F10: variants seen among roughly 807,000 people sequenced by gnomAD.
The protein encoded by F10 is Stuart-Prower factor.
Under a neutral mutation model 37.1 loss-of-function variants are expected in F10, and 29 were observed. The ratio of observed to expected loss-of-function variants is 0.78; its 90% CI spans 0.58 to 1.07. The LOEUF is 1.07. Ranked by LOEUF, F10 falls within the 50% of genes least tolerant of loss-of-function variation. The pLI is 0.00. For synonymous variants in F10, 262 were observed against 268.6 expected (o/e 0.98, Z 0.24); for missense variants, 539 against 667.9 (o/e 0.81, Z 2.13).
Position 113,146,324 on chromosome 13 carries a change from G to C in F10, c.748-1055G>C, listed in dbSNP as rs911204721. Among the ~76,000 whole-genome samples, 1 of 152,088 alleles carries C rather than the reference G, an allele frequency of 6.6e-6. No homozygotes were observed. Among genetic ancestry groups the C allele is most frequent in the East Asian group, 1.9e-4 (1 of 5,168 alleles). On this transcript the variant is annotated intron_variant, in intron 6 of 7. Transcript: ENST00000375559. The surrounding 1 kb of genome is among the most constrained non-coding windows in gnomAD (Gnocchi z 4.5). ...ACTGTGTGGTTGGGGCAAGAACCTC[G>C]ATGCAGGAGACCCCACCGAGGATGA...
intron 7 of F10, among the ~76,000 whole-genome samples, chr13:113,148,595 C>A (rs951837969): frequency 6.6e-6 from 1 of 152,102 alleles, no homozygotes; most frequent in African/African-American, 2.4e-5. Flanking sequence ...CAACCTGGGT[C>A]TGGGATGCCA....
At chr13:113,140,805 A>G in intron 4 of F10, 114 bp from the exon 5 acceptor site, 1 of 1,537,608 alleles carries the variant, frequency 6.5e-7, no homozygotes, top group Non-Finnish European at 9.0e-7. Flanking sequence ...CCCTTTGCTC[A>G]ACCCAATGGC....
rs748010092 is a variant in F10, at chr13:113,129,408, T to TGAA, written c.71-42_71-41insAGA. The TGAA allele has an allele frequency of 3.7e-6, 6 of 1,611,870 alleles. No individual in the cohort carries two copies. The South Asian group carries it at 4.4e-5, about 12-fold the overall frequency. The stretch of plus-strand genomic sequence containing the variant: ...GAGCATAGGTGAGGGGGAGCCTGGG[T>TGAA]GAGGGTGACCAGAGCTTTTAACCCT... On this transcript the variant is annotated intron_variant, in intron 1 of 7. Transcript: ENST00000375559.
intron 6 of F10, among the ~76,000 whole-genome samples, chr13:113,145,101 C>T (rs763864754): frequency 1.2e-4 from 19 of 152,296 alleles, no homozygotes; most frequent in Non-Finnish European, 1.8e-4. Flanking sequence ...AGGATGGTCT[C>T]CATCTCCTGA....
rs898999750 is a variant in F10 at position 113,141,449 on chromosome 13, G to A, written c.502+399G>A. Among the ~76,000 whole-genome samples the A allele has an allele frequency of 2.6e-5, 4 of 152,234 alleles. No individual in the cohort carries two copies. Among genetic ancestry groups the A allele is most frequent in the African/African-American group, 9.6e-5 (4 of 41,462 alleles). ...AAAGCACCAGGGCAGGCAAAGGGCA[G>A]AGCTGGCCCGAGGAACTGGAGCTAA... On this transcript the variant is annotated intron_variant, in intron 5 of 7. Coordinates refer to ENST00000375559, the MANE Select transcript of F10 (RefSeq NM_000504.4). This position sits in a 1 kb window ranked among gnomAD's most constrained non-coding sequence, Gnocchi z 5.4.
At chr13:113,125,347 T>C (rs893724653) in intron 1 of F10, among the ~76,000 whole-genome samples, 2 of 152,256 alleles carry the variant, frequency 1.3e-5, no homozygotes, top group Non-Finnish European at 2.9e-5. Context: ...GTTTGGACCT[T>C]ACTGACTGAA....
Position 113,144,001 on chromosome 13 carries a change from T to C in F10, c.653T>C (p.Leu218Pro). 1 of 1,612,170 alleles carries C rather than the reference T, an allele frequency of 6.2e-7. No individual in the cohort carries two copies. Among genetic ancestry groups the C allele is most frequent in the East Asian group, 2.2e-5 (1 of 44,738 alleles). Residue 218 changes from leucine to proline, a missense_variant, in exon 6 of 8, where the codon CTT (leucine) becomes CCT (proline). By Grantham distance (98) the Leu-to-Pro change is moderately conservative (BLOSUM62 -3). This residue lies in a region of F10 where 409 missense variants were observed against 547.9 expected (regional missense o/e 0.75). Coordinates refer to ENST00000375559, the MANE Select transcript of F10 (RefSeq NM_000504.4). The surrounding 1 kb of genome is among the most constrained non-coding windows in gnomAD (Gnocchi z 6.4). ...LDPTENPFDLLDFNQTQPERG... is the reference protein window; with the variant it reads ...LDPTENPFDLPDFNQTQPERG... ...CCCACCGAGAACCCCTTCGACCTGC[T>C]TGACTTCAACCAGACGCAGCCTGAG... is the stretch of plus-strand genomic sequence containing the variant.
At chr13:113,131,146 C>T (rs565747000) in intron 2 of F10, 1 of 152,354 alleles carries the variant, frequency 6.6e-6, no homozygotes, top group African/African-American at 2.4e-5. Flanking sequence ...TGATGAACGT[C>T]ATCCCGGGTA....
At chr13:113,129,898 A>T (rs1485752883) in intron 2 of F10, 2 of 455,868 alleles carry the variant, frequency 4.4e-6, no homozygotes, top group Non-Finnish European at 8.1e-6. Flanking sequence ...GTTCTATTTA[A>T]AAATAAAATG....
Position 113,143,808 on chromosome 13 carries a change from C to A in F10, c.503-43C>A. On this transcript the variant is annotated intron_variant, in intron 5 of 7. Transcript: ENST00000375559. This position sits in a 1 kb window ranked among gnomAD's most constrained non-coding sequence, Gnocchi z 6.8. Reference sequence around the variant, plus strand: ...GGTGAGCTGTGCAGGCTATGGGGAGCCTCTCTCTGTGCTGAAGGCCCCGGC... The same window carrying A: ...GGTGAGCTGTGCAGGCTATGGGGAGACTCTCTCTGTGCTGAAGGCCCCGGC... 6.2e-7 allele frequency: 1 copy of A among 1,606,522 alleles called. No homozygotes were observed. The highest frequency in any genetic ancestry group is 8.5e-7 in the Non-Finnish European group (1 of 1,179,934).
chr13:113,140,944 C>A lies in F10; in HGVS notation c.396C>A (p.Asp132Glu). The A allele has an allele frequency of 6.2e-7, 1 of 1,614,142 alleles. No individual in the cohort carries two copies. The highest frequency in any genetic ancestry group is 1.3e-5 in the African/African-American group (1 of 75,074). The change falls in exon 5 of 8, where the codon GAC becomes GAA. Residue 132 changes from aspartate to glutamate, a missense_variant. Around this residue, in one of 2 missense-constraint regions of F10, gnomAD observed 409 missense variants for 547.9 expected, o/e 0.75. Transcript: ENST00000375559. ...ELFTRKLCSL[D>E]NGDCDQFCHE... ...TCACACGGAAGCTCTGCAGCCTGGACAACGGGGACTGTGACCAGTTCTGCC... is the reference window on the plus strand; with the variant it reads ...TCACACGGAAGCTCTGCAGCCTGGAAAACGGGGACTGTGACCAGTTCTGCC...
intron 4 of F10, among the ~76,000 whole-genome samples, chr13:113,140,023 T>C (rs769680649): frequency 1.3e-5 from 2 of 152,082 alleles, no homozygotes; most frequent in African/African-American, 2.4e-5. Flanking sequence ...TTAGATCAAT[T>C]TCCCTAAGGA....
rs3211718 is a variant in F10 at position 113,122,915 on chromosome 13, C to T, written c.60C>T (p.Leu20=). 6.8e-3 allele frequency: 10,898 copies of T among 1,609,904 alleles called. 44 individuals are homozygous for T. The highest frequency in any genetic ancestry group is 8.2e-3 in the Non-Finnish European group (9,626 of 1,179,996). The change falls in exon 1 of 8, where the codon CTC becomes CTT. Residue 20 remains leucine, a synonymous_variant. Transcript: ENST00000375559. ...CCTCCCTGGCTGGCCTCCTGCTGCT[C>T]GGGGAAAGTCGTAAGTGCCCCTCGC... ...LSASLAGLLL[L]GESLFIRREQ...
rs2036340580 is a variant in F10, at chr13:113,123,496, GCCCAGACAGGAC to G, written c.70+572_70+583del. Among the ~76,000 whole-genome samples the G allele has an allele frequency of 3.3e-5, 5 of 152,322 alleles. No individual in the cohort carries two copies. In the South Asian group the frequency reaches 1.0e-3, roughly 32 times the overall value. On this transcript the variant is annotated intron_variant, in intron 1 of 7. Coordinates refer to ENST00000375559, the MANE Select transcript of F10 (RefSeq NM_000504.4). The stretch of plus-strand genomic sequence containing the variant: ...CCCCCGGGTCTGTCCAAAAGCAGAG[GCCCAGACAGGAC>G]AGAAGCCAGGCAAGCCTGGGGACAG...
rs1239975016 is a variant in F10 at position 113,144,727 on chromosome 13, G to C, written c.747+632G>C. Among the ~76,000 whole-genome samples the C allele has an allele frequency of 6.6e-6, 1 of 152,166 alleles. No homozygotes were observed. Among genetic ancestry groups the C allele is most frequent in the Non-Finnish European group, 1.5e-5 (1 of 68,032 alleles). The stretch of plus-strand genomic sequence containing the variant: ...GAAAATCACTCTTTGAGGCTTTTTT[G>C]TTAAGAGACAGTACCTTGCTCTGTT... On this transcript the variant is annotated intron_variant, in intron 6 of 7. Transcript: ENST00000375559. This position sits in a 1 kb window ranked among gnomAD's most constrained non-coding sequence, Gnocchi z 6.4.
rs777177458 is a variant in F10 at position 113,148,963 on chromosome 13, G to T, written c.913G>T (p.Val305Leu). 3 of 1,613,500 alleles carry T rather than the reference G, an allele frequency of 1.9e-6. No individual in the cohort carries two copies. The highest frequency in any genetic ancestry group is 2.5e-6 in the Non-Finnish European group (3 of 1,180,016). Residue 305 changes from valine (V) to leucine (L), a missense_variant, in exon 8 of 8, where the codon GTG becomes TTG. Physicochemically the swap from Val to Leu is conservative, Grantham distance 32. Transcript: ENST00000375559. ...QEEGGEAVHE[V>L]EVVIKHNRFT... ...GGAGGGCGGTGAGGCGGTGCACGAG[G>T]TGGAGGTGGTCATCAAGCACAACCG...
At chr13:113,137,043 C>G (rs973067051) in intron 2 of F10, among the ~76,000 whole-genome samples, 9 of 152,268 alleles carry the variant, frequency 5.9e-5, no homozygotes, top group African/African-American at 1.9e-4. Flanking sequence ...CCTCAGCCTC[C>G]CAAAGTGCTG....
chr13:113,137,631 T>TG (rs2036491275), intron 2 of F10, among the ~76,000 whole-genome samples: 1 of 152,126 alleles, frequency 6.6e-6, no homozygotes, highest in Non-Finnish European at 1.5e-5. Flanking sequence ...GTGTCAGCAG[T>TG]GTTGGTTCCT....
At chr13:113,135,855 C>T (rs549204821) in intron 2 of F10, among the ~76,000 whole-genome samples, 1 of 152,034 alleles carries the variant, frequency 6.6e-6, no homozygotes, top group East Asian at 1.9e-4. Flanking sequence ...GACATTGACA[C>T]CAAAAGAATG....
Sources: allele counts gnomAD v4.1 joint callset (sites outside exome capture counted in the v4.1 genomes callset), GRCh38; gene constraint gnomAD v4.1.1; regional missense constraint gnomAD v4.1.1; non-coding constraint Gnocchi (gnomAD v3.1); transcripts MANE v1.5; gene names NCBI Gene and HGNC (gene_info 2026-07-23, HGNC 2026-07-21).